KLRD1: variants seen among roughly 807,000 people sequenced by gnomAD.
KLRD1 encodes the protein killer cell lectin like receptor D1, also known as natural killer cells antigen CD94.
KLRD1 carries 21 observed loss-of-function variants against 22.6 expected under a neutral mutation model. That is an observed-to-expected ratio of 0.93 (90% CI 0.66 to 1.34). The LOEUF (loss-of-function observed/expected upper bound fraction) is 1.34. Ranked by LOEUF, KLRD1 falls within the 40% of genes most tolerant of loss-of-function variation. KLRD1 has a pLI of 0.00. For synonymous variants in KLRD1, 59 were observed against 71.1 expected, an observed-to-expected ratio of 0.83 and a Z score of 0.85; for missense variants, 183 against 208.6, an observed-to-expected ratio of 0.88 and a Z score of 0.76.
At chr12:10,290,923 A>G (rs1044200115) in intron 1 of KLRD1, among the ~76,000 whole-genome samples, 1 of 152,166 alleles carries the variant, frequency 6.6e-6, no homozygotes, top group African/African-American at 2.4e-5. Context: ...ACCAATGTCA[A>G]TTTCCTGGTT....
rs771543645 is a variant in KLRD1, at chr12:10,243,631, A to AAAG, written c.-101+17400_-101+17401insGAA. 9.5e-3 allele frequency among the ~76,000 whole-genome samples: 1,127 copies of AAAG among 118,756 alleles called. 207 individuals carry two copies. The highest frequency in any genetic ancestry group is 0.044 in the African/African-American group (1,072 of 24,092). 77.9% of individuals were successfully genotyped at this position (118,756 alleles called of 152,430 possible). A position where few individuals can be genotyped will look rare whatever the true frequency, so the allele number is the denominator to read the frequency against. ...CCAAAAAAAAAAAAAAAAAAAAAAA[A>AAAG]AACCGAAATGAAAGATATGGAACAA... is the stretch of plus-strand genomic sequence containing the variant. On this transcript the variant is annotated intron_variant, in intron 1 of 5. Coordinates refer to the KLRD1 transcript ENST00000544747.
intron 1 of KLRD1, among the ~76,000 whole-genome samples, chr12:10,285,725 G>A (rs923568911): frequency 6.6e-6 from 1 of 152,070 alleles, no homozygotes; most frequent in African/African-American, 2.4e-5. Context: ...AGTATTTACA[G>A]TCCAGTCAAT....
chr12:10,303,794 A>G (rs1052764821), upstream of KLRD1, among the ~76,000 whole-genome samples: 7 of 152,158 alleles, frequency 4.6e-5, no homozygotes, highest in Non-Finnish European at 8.8e-5. Context: ...ATAATTTGGG[A>G]TATTTATATA....
intron 1 of KLRD1, among the ~76,000 whole-genome samples, chr12:10,270,658 T>C (rs1313010983): frequency 6.6e-6 from 1 of 152,152 alleles, no homozygotes; most frequent in Non-Finnish European, 1.5e-5. Context: ...TGAGAAGATA[T>C]TAATATTTTG....
intron 1 of KLRD1, among the ~76,000 whole-genome samples, chr12:10,248,760 G>C (rs1333837617): frequency 6.6e-6 from 1 of 151,658 alleles, no homozygotes; most frequent in East Asian, 1.9e-4. Context: ...ACCACACCCG[G>C]CTACTTTTTG....
intron 1 of KLRD1, among the ~76,000 whole-genome samples, chr12:10,286,087 A>G (rs1028241727): frequency 6.6e-6 from 1 of 152,122 alleles, no homozygotes; most frequent in Admixed American, 6.5e-5. Context: ...TCCTGCGGCC[A>G]CACCAAGACC....
Position 10,319,935 on chromosome 12 carries a change from G to A in KLRD1, c.*5142G>A, listed in dbSNP as rs3933794. ...GGCTGGAGTGCAGTGGGGCCATGTC[G>A]GCTCACTGCAACTTCTGCCTCCTGG... On this transcript the variant is annotated 3_prime_UTR_variant, in exon 6 of 6. Transcript: ENST00000336164. 0.96 allele frequency: 141,688 copies of A among 146,996 alleles called. 68,450 individuals carry two copies. The highest frequency in any genetic ancestry group is 1 in the Non-Finnish European group (67,288 of 67,352). 9.1% of individuals were successfully genotyped at this position (146,996 alleles called of 1,614,324 possible). A position where few individuals can be genotyped will look rare whatever the true frequency, so the allele number is the denominator to read the frequency against.
At chr12:10,276,030 T>C (rs1183106286) in intron 1 of KLRD1, among the ~76,000 whole-genome samples, 2 of 152,182 alleles carry the variant, frequency 1.3e-5, no homozygotes, top group African/African-American at 4.8e-5. Context: ...TTTGTGTGAA[T>C]AGAATGAAAC....
At chr12:10,255,890 T>C (rs1207261868) in intron 1 of KLRD1, among the ~76,000 whole-genome samples, 3 of 152,116 alleles carry the variant, frequency 2.0e-5, no homozygotes, top group Non-Finnish European at 4.4e-5. Flanking sequence ...CTTATTGTTC[T>C]GGTTGTTTTT....
At chr12:10,239,931 T>A (rs7972029) in intron 1 of KLRD1, among the ~76,000 whole-genome samples, 150,215 of 152,210 alleles carry the variant, frequency 0.99, 74,161 homozygotes, top group East Asian at 1. Context: ...CGTGAGCCAC[T>A]TTTTCTCTTT....
intron 1 of KLRD1, among the ~76,000 whole-genome samples, chr12:10,274,261 C>G (rs1437221582): frequency 6.6e-6 from 1 of 151,924 alleles, no homozygotes; most frequent in African/African-American, 2.4e-5. Context: ...GCCTGGGTGA[C>G]AGATTGAAAC....
Position 10,320,911 on chromosome 12 carries a change from A to G in KLRD1, c.*6118A>G, listed in dbSNP as rs752785926. ...GAAGCTCCAGGTAGAGAGAAGATTG[A>G]AGAGATTTATGTGTGCGGTTTTTAC... On this transcript the variant is annotated 3_prime_UTR_variant, in exon 6 of 6. Coordinates refer to ENST00000336164, the MANE Select transcript of KLRD1 (RefSeq NM_002262.5). 4 of 152,204 alleles carry G rather than the reference A, an allele frequency of 2.6e-5. No individual in the cohort carries two copies. The highest frequency in any genetic ancestry group is 2.6e-4 in the Admixed American group (4 of 15,284). The allele number at this position is 152,204 out of a possible 1,614,324, so 9.4% of individuals were successfully genotyped here. A position where few individuals can be genotyped will look rare whatever the true frequency, so the allele number is the denominator to read the frequency against.
intron 1 of KLRD1, among the ~76,000 whole-genome samples, chr12:10,244,590 T>C (rs1015108089): frequency 1.3e-5 from 2 of 152,086 alleles, no homozygotes; most frequent in African/African-American, 4.8e-5. Flanking sequence ...AAGACCAGCC[T>C]GGCCAAAATG....
intron 1 of KLRD1, among the ~76,000 whole-genome samples, chr12:10,248,530 TTTCC>T (rs547431896): frequency 0.12 from 11,096 of 96,424 alleles, 683 homozygotes; most frequent in Non-Finnish European, 0.15. Flanking sequence ...TGTATTTTCT[TTTCC>T]TTCCTTCCTT....
At chr12:10,269,972 C>T (rs1207870803) in intron 1 of KLRD1, among the ~76,000 whole-genome samples, 1 of 152,080 alleles carries the variant, frequency 6.6e-6, no homozygotes, top group Admixed American at 6.5e-5. Context: ...TATTAAATTG[C>T]TCTTTCAAAT....
intron 1 of KLRD1, among the ~76,000 whole-genome samples, chr12:10,281,813 C>T (rs1949646440): frequency 6.6e-6 from 1 of 152,184 alleles, no homozygotes; most frequent in Non-Finnish European, 1.5e-5. Flanking sequence ...GAATTACTTA[C>T]ATAATTGGAG....
chr12:10,292,870 T>TTA (rs1949782592), intron 1 of KLRD1, among the ~76,000 whole-genome samples: 1 of 152,036 alleles, frequency 6.6e-6, no homozygotes, highest in Non-Finnish European at 1.5e-5. Flanking sequence ...AATCTGTTGT[T>TTA]TAGTGTAGCC....
At position 10,271,731 on chromosome 12, in the gene KLRD1, A is replaced by G. The variant is rs914878642; in HGVS notation, c.-100-36247A>G. Among the ~76,000 whole-genome samples, 16 of 152,314 alleles carry G rather than the reference A, an allele frequency of 1.1e-4. 2 individuals are homozygous for G. The highest frequency in any genetic ancestry group is 7.8e-4 in the Admixed American group (12 of 15,294). On this transcript the variant is annotated intron_variant, in intron 1 of 5. Transcript: ENST00000544747. ...GCTATATGTATATACACATACTTAT[A>G]TGATACATAAACATATAATTAAATG...
chr12:10,256,901 C>T (rs2137626016), intron 1 of KLRD1, among the ~76,000 whole-genome samples: 1 of 152,084 alleles, frequency 6.6e-6, no homozygotes, highest in South Asian at 2.1e-4. Context: ...GTGCAATAAA[C>T]TGCCTCAGAT....
Sources: allele counts gnomAD v4.1 joint callset (sites outside exome capture counted in the v4.1 genomes callset), GRCh38; gene constraint gnomAD v4.1.1; transcripts MANE v1.5; gene names NCBI Gene and HGNC (gene_info 2026-07-23, HGNC 2026-07-21).